LZTFL1: variants seen among roughly 807,000 people sequenced by gnomAD.
LZTFL1 encodes the protein leucine zipper transcription factor like 1, also known as leucine zipper transcription factor-like protein 1.
In LZTFL1, 25 loss-of-function variants were observed where a neutral mutation model predicts 45.9. The ratio of observed to expected loss-of-function variants is 0.54; its 90% CI spans 0.40 to 0.76. The LOEUF is 0.76. LZTFL1 is among the 30% of genes least tolerant of loss of function. The pLI, the probability that LZTFL1 is intolerant of heterozygous loss-of-function variation, is 0.00. For missense variants in LZTFL1, 277 were observed against 331.1 expected (o/e 0.84, Z 1.27); for synonymous variants, 93 against 117.4 (o/e 0.79, Z 1.35).
chr3:45,871,446 G>C (rs1701669632), intron 2 of LZTFL1, among the ~76,000 whole-genome samples: 1 of 152,208 alleles, frequency 6.6e-6, no homozygotes, highest in East Asian at 1.9e-4. Flanking sequence ...TAGCTAGATA[G>C]AGCACCTTTT....
intron 8 of LZTFL1, 123 bp downstream of exon 8, chr3:45,828,316 C>T: frequency 1.2e-6 from 1 of 828,360 alleles, no homozygotes; most frequent in Non-Finnish European, 1.9e-6. Flanking sequence ...TTGGCTAATA[C>T]CTTGAGAAAA....
At chr3:45,835,471 C>A in intron 3 of LZTFL1, 119 bp downstream of exon 3, 1 of 884,398 alleles carries the variant, frequency 1.1e-6, no homozygotes, top group South Asian at 1.5e-5. Context: ...TTTGCTGTTA[C>A]CCTACCCAAA....
At chr3:45,873,311 G>GCCAT (rs1701698959) in intron 2 of LZTFL1, among the ~76,000 whole-genome samples, 1 of 152,170 alleles carries the variant, frequency 6.6e-6, no homozygotes, top group Non-Finnish European at 1.5e-5. Flanking sequence ...CATTGTACTG[G>GCCAT]GAGGTTTTAA....
chr3:45,892,466 A>T (rs1165332790), intron 2 of LZTFL1, among the ~76,000 whole-genome samples: 1 of 152,164 alleles, frequency 6.6e-6, no homozygotes, highest in Non-Finnish European at 1.5e-5. Context: ...AGAACAGAAA[A>T]ACAAATGTCA....
chr3:45,860,700 C>T (rs898100249), intron 2 of LZTFL1, among the ~76,000 whole-genome samples: 3 of 152,104 alleles, frequency 2.0e-5, no homozygotes, highest in East Asian at 3.8e-4. Flanking sequence ...TCTTGAAAAA[C>T]GAATGATGAA....
At chr3:45,856,117 G>C (rs1186146376) in intron 3 of LZTFL1, among the ~76,000 whole-genome samples, 1 of 152,008 alleles carries the variant, frequency 6.6e-6, no homozygotes, top group Non-Finnish European at 1.5e-5. Flanking sequence ...AAAGAACAAA[G>C]CTGGAGGCTT....
rs770913272 is a variant in LZTFL1 at position 45,874,308 on chromosome 3, G to GAT, written c.-214-15294_-214-15293dup. Among the ~76,000 whole-genome samples, 4 of 152,292 alleles carry GAT rather than the reference G, an allele frequency of 2.6e-5. No homozygotes were observed. The East Asian group carries it at 5.8e-4, about 22-fold the overall frequency. ...ATTTGGGGTTGTGGGGAGGTGAAGG[G>GAT]ATAAGCATTTTGATGTTATACTATG... On this transcript the variant is annotated intron_variant, in intron 2 of 4. Coordinates refer to the LZTFL1 transcript ENST00000472635.
chr3:45,895,644 G>C (rs573661061), intron 2 of LZTFL1, among the ~76,000 whole-genome samples: 1 of 152,084 alleles, frequency 6.6e-6, no homozygotes, highest in Non-Finnish European at 1.5e-5. Flanking sequence ...AGCCTGGGAG[G>C]TGGAGGTTGC....
chr3:45,913,249 G>T, intron 1 of LZTFL1: 1 of 1,099,648 alleles, frequency 9.1e-7, no homozygotes, highest in Non-Finnish European at 1.3e-6. Flanking sequence ...GTGCTGCAAT[G>T]AGCTGATCTT....
At chr3:45,832,191 A>G (rs1700843841) in intron 5 of LZTFL1, among the ~76,000 whole-genome samples, 1 of 152,184 alleles carries the variant, frequency 6.6e-6, no homozygotes, top group Non-Finnish European at 1.5e-5. Flanking sequence ...ACCGCACTCC[A>G]GCCTGGGCGA....
In LZTFL1 at chr3:45,842,063, C is replaced by T; in HGVS notation, c.-72G>A. On this transcript the variant is annotated 5_prime_UTR_variant, in exon 1 of 10. Transcript: ENST00000296135. The stretch of plus-strand genomic sequence containing the variant: ...GGTGCCCCGCCAAGCCTGGGATCGC[C>T]GAGGGTAGTTGGACCACAGAAAATG... 2 of 1,597,218 alleles carry T rather than the reference C, an allele frequency of 1.3e-6. No individual in the cohort carries two copies. The highest frequency in any genetic ancestry group is 1.7e-6 in the Non-Finnish European group (2 of 1,173,926).
Position 45,884,601 on chromosome 3 carries a change from T to C in LZTFL1, c.-214-25585A>G, listed in dbSNP as rs1339352837. On this transcript the variant is annotated intron_variant, in intron 2 of 4. Coordinates refer to the LZTFL1 transcript ENST00000472635. ...CCCTGACGGCCAGCCTCACCTTCCT[T>C]CCTCCCCCGAGACTCACTCCAACGT... Among the ~76,000 whole-genome samples the C allele has an allele frequency of 4.0e-5, 6 of 151,840 alleles. No individual in the cohort carries two copies. The South Asian group carries it at 6.3e-4, about 16-fold the overall frequency.
At chr3:45,835,877 TAAG>T in intron 2 of LZTFL1, 93 bp from the exon 3 acceptor site, 1 of 808,590 alleles carries the variant, frequency 1.2e-6, no homozygotes, top group Non-Finnish European at 1.9e-6. Context: ...TCATGTAATC[TAAG>T]AAATTCAAAG....
intron 2 of LZTFL1, among the ~76,000 whole-genome samples, chr3:45,910,328 G>A (rs1702769679): frequency 6.6e-6 from 1 of 152,176 alleles, no homozygotes; most frequent in Non-Finnish European, 1.5e-5. Flanking sequence ...TAGACACAAT[G>A]GTGAAGATTA....
chr3:45,839,032 C>T (rs1184898648), intron 1 of LZTFL1, among the ~76,000 whole-genome samples: 1 of 152,208 alleles, frequency 6.6e-6, no homozygotes, highest in East Asian at 1.9e-4. Context: ...AAGAATATCC[C>T]ACAATTTAGA....
In LZTFL1 at chr3:45,830,984, T is replaced by C. The variant is rs1448291312; in HGVS notation, c.529A>G (p.Asn177Asp). The C allele has an allele frequency of 6.2e-7, 1 of 1,613,906 alleles. No homozygotes were observed. The highest frequency in any genetic ancestry group is 8.5e-7 in the Non-Finnish European group (1 of 1,179,798). Residue 177 changes from asparagine (N) to aspartate (D), a missense_variant, in exon 7 of 10, where the codon AAT (asparagine) becomes GAT (aspartate). Transcript: ENST00000296135. The stretch of plus-strand genomic sequence containing the variant: ...AGTTTTGACTTTTCATCCAGTGCAT[T>C]TGTAGCCTATAGTGAAGTTTAAACA... ...RLKTIEIQAT[N>D]ALDEKSKLEK... is the part of the protein sequence containing the mutation.
At chr3:45,899,590 G>T (rs1702478067) in intron 2 of LZTFL1, among the ~76,000 whole-genome samples, 1 of 152,220 alleles carries the variant, frequency 6.6e-6, no homozygotes, top group African/African-American at 2.4e-5. Flanking sequence ...ATGAGATTTG[G>T]CAAGGAATGT....
In LZTFL1 at chr3:45,854,222, T is replaced by C. The variant is rs2125704065; in HGVS notation, c.-49+764A>G. ...CCATGTATCAACCTTGGCTGTGTAA[T>C]TCCATTCATTCCCAGGGTTTCATCT... On this transcript the variant is annotated intron_variant, in intron 4 of 4. Coordinates refer to the LZTFL1 transcript ENST00000472635. Among the ~76,000 whole-genome samples the C allele has an allele frequency of 1.3e-5, 2 of 152,302 alleles. 1 individual carries two copies. The highest frequency in any genetic ancestry group is 4.1e-4 in the South Asian group (2 of 4,828).
intron 2 of LZTFL1, among the ~76,000 whole-genome samples, chr3:45,861,238 C>A (rs1701486548): frequency 6.6e-6 from 1 of 150,632 alleles, no homozygotes; most frequent in African/African-American, 2.4e-5. Context: ...CCCAAAAACT[C>A]CCTTCCAGAT....
Sources: allele counts gnomAD v4.1 joint callset (sites outside exome capture counted in the v4.1 genomes callset), GRCh38; gene constraint gnomAD v4.1.1; transcripts MANE v1.5; gene names NCBI Gene and HGNC (gene_info 2026-07-23, HGNC 2026-07-21).